The following PIWIL1 variants were observed in gnomAD, a reference collection of about 807,000 sequenced individuals.
PIWIL1 encodes the protein piwi-like protein 1.
In PIWIL1, 73 loss-of-function variants were observed where a neutral mutation model predicts 114.4. The observed-to-expected ratio is 0.64, with a 90% CI of 0.53 to 0.78. PIWIL1 has a LOEUF of 0.78. PIWIL1 is among the 30% of genes least tolerant of loss of function. The pLI, the probability that PIWIL1 is intolerant of heterozygous loss-of-function variation, is 0.00. For synonymous variants in PIWIL1, 375 were observed against 369.0 expected (o/e 1.02, Z -0.19); for missense variants, 723 against 1,063.1 (o/e 0.68, Z 4.45).
rs1375315068 is a variant in PIWIL1, at chr12:130,353,311, G to A, written c.1045-1226G>A. Among the ~76,000 whole-genome samples the A allele has an allele frequency of 5.0e-5, 5 of 99,534 alleles. 2 individuals are homozygous for A. The highest frequency in any genetic ancestry group is 1.2e-4 in the Non-Finnish European group (5 of 42,706). 65.3% of individuals were successfully genotyped at this position (99,534 alleles called of 152,430 possible). On this transcript the variant is annotated intron_variant, in intron 9 of 20. Coordinates refer to ENST00000245255, the MANE Select transcript of PIWIL1 (RefSeq NM_004764.5). Reference sequence around the variant, plus strand: ...TGTTCTTCTGGTGTGCTCAGTGGAGGTGTGTGGTTTTTTCTTCTGGTGTGC... The same window carrying A: ...TGTTCTTCTGGTGTGCTCAGTGGAGATGTGTGGTTTTTTCTTCTGGTGTGC...
chr12:130,408,269 G>A, the PIWIL1 span, among the ~76,000 whole-genome samples: 1,746 of 152,294 alleles, frequency 0.011, 33 homozygotes, highest in African/African-American at 0.041. Flanking sequence ...CTATGGTGGC[G>A]CTACAAAATC....
chr12:130,364,403 G>A (rs908527867), intron 18 of PIWIL1, among the ~76,000 whole-genome samples: 10 of 152,170 alleles, frequency 6.6e-5, no homozygotes, highest in Admixed American at 3.9e-4. Context: ...TTCTACTAAC[G>A]GGCTTCTGAG....
chr12:130,409,503 C>T, the PIWIL1 span, among the ~76,000 whole-genome samples: 2 of 151,950 alleles, frequency 1.3e-5, no homozygotes, highest in Non-Finnish European at 2.9e-5. Context: ...CCACCACGCC[C>T]GGCTAATTTT....
At chr12:130,412,875 G>T in the PIWIL1 span, 1 of 1,208,218 alleles carries the variant, frequency 8.3e-7, no homozygotes, top group Non-Finnish European at 1.1e-6. Flanking sequence ...GAGTGTAGTC[G>T]AAAATATATT....
intron 19 of PIWIL1, among the ~76,000 whole-genome samples, chr12:130,368,008 G>A (rs2073715763): frequency 6.6e-6 from 1 of 152,190 alleles, no homozygotes. Flanking sequence ...ACGATGGCCA[G>A]GCTGGTCTCA....
rs2136205508 is a variant in PIWIL1 at position 130,372,515 on chromosome 12, T to C, written c.*917T>C. 1 of 142,496 alleles carries C rather than the reference T, an allele frequency of 7.0e-6. No individual in the cohort carries two copies. Among genetic ancestry groups the C allele is most frequent in the East Asian group, 2.1e-4 (1 of 4,694 alleles). The allele number at this position is 142,496 out of a possible 1,614,324, so 8.8% of individuals were successfully genotyped here. On this transcript the variant is annotated 3_prime_UTR_variant, in exon 21 of 21. Transcript: ENST00000245255. Reference sequence around the variant, plus strand: ...CAGGAGGCTGAGGCAGGAGAATCACTTGAACCTGAGAGGCGGAGGTTGCAG... The same window carrying C: ...CAGGAGGCTGAGGCAGGAGAATCACCTGAACCTGAGAGGCGGAGGTTGCAG...
At position 130,371,497 on chromosome 12, in the gene PIWIL1, C is replaced by G; in HGVS notation, c.2485C>G (p.Pro829Ala). 1 of 1,614,082 alleles carries G rather than the reference C, an allele frequency of 6.2e-7. No homozygotes were observed. Among genetic ancestry groups the G allele is most frequent in the South Asian group, 1.1e-5 (1 of 91,066 alleles). ...TCCACTAAAGGGTGTCATTCGTGTT[C>G]CTGCTCCTTGCCAGTACGCCCACAA... ...YYNWPGVIRV[P>A]APCQYAHKLA... Residue 829 changes from proline to alanine, a missense_variant, in exon 21 of 21, where the codon CCT (proline) becomes GCT (alanine). Pro to Ala is a conservative substitution (Grantham distance 27, BLOSUM62 -1). Coordinates refer to ENST00000245255, the MANE Select transcript of PIWIL1 (RefSeq NM_004764.5).
At chr12:130,376,710 A>G (rs576757120), downstream of PIWIL1, among the ~76,000 whole-genome samples, 7 of 152,184 alleles carry the variant, frequency 4.6e-5, 1 homozygote, top group African/African-American at 1.2e-4. Flanking sequence ...GTACCTGTCC[A>G]CTAATCCTGT....
At chr12:130,359,551 A>C (rs1274919870) in intron 14 of PIWIL1, among the ~76,000 whole-genome samples, 1 of 152,164 alleles carries the variant, frequency 6.6e-6, no homozygotes, top group Non-Finnish European at 1.5e-5. Context: ...CAACTTGTCC[A>C]GTTTGAATAT....
the PIWIL1 span, among the ~76,000 whole-genome samples, chr12:130,391,793 A>C: frequency 5.4e-5 from 1 of 18,506 alleles, no homozygotes; most frequent in African/African-American, 1.7e-4. Flanking sequence ...CACCTGCGAC[A>C]CCCATGGGGG....
intron 16 of PIWIL1, among the ~76,000 whole-genome samples, 196 bp from the exon 17 acceptor site, chr12:130,362,570 T>C (rs189584944): frequency 4.6e-5 from 7 of 152,360 alleles, no homozygotes; most frequent in African/African-American, 1.7e-4. Context: ...CAGTTTGTGA[T>C]GCTGATACGG....
intron 18 of PIWIL1, 30 bp downstream of exon 18, chr12:130,363,174 T>C (rs1410289522): frequency 6.2e-7 from 1 of 1,606,238 alleles, no homozygotes; most frequent in African/African-American, 1.3e-5. Context: ...AGCATTTTCT[T>C]TTTATAAAAC....
the PIWIL1 span, among the ~76,000 whole-genome samples, chr12:130,400,593 C>T: frequency 3.7e-4 from 57 of 152,216 alleles, 1 homozygote; most frequent in Admixed American, 3.1e-3. Flanking sequence ...CTGGGCAACA[C>T]GGAATCCTGT....
rs940711698 is a variant in PIWIL1, at chr12:130,346,859, C to T, written c.532-82C>T. 11 of 1,529,902 alleles carry T rather than the reference C, an allele frequency of 7.2e-6. No individual in the cohort carries two copies. In the African/African-American group the frequency reaches 1.3e-4, roughly 17 times the overall value. The allele number at this position is 1,529,902 out of a possible 1,614,324, so 94.8% of individuals were successfully genotyped here. A position where few individuals can be genotyped will look rare whatever the true frequency, so the allele number is the denominator to read the frequency against. ...AACATTTTATGGTTTTCAATGTTGC[C>T]TTATTAAGCAAGCAGTATGTGATTG... On this transcript the variant is annotated intron_variant, in intron 5 of 20. Transcript: ENST00000245255.
intron 9 of PIWIL1, among the ~76,000 whole-genome samples, chr12:130,351,988 C>T (rs182521289): frequency 1.3e-5 from 2 of 152,044 alleles, no homozygotes; most frequent in Non-Finnish European, 2.9e-5. Context: ...CATGGCGTGT[C>T]CCCCACTGTG....
intron 14 of PIWIL1, among the ~76,000 whole-genome samples, chr12:130,360,730 A>G (rs1289788822): frequency 6.6e-6 from 1 of 152,172 alleles, no homozygotes; most frequent in Non-Finnish European, 1.5e-5. Context: ...TGTCCCCAGA[A>G]TTGTCCATGG....
chr12:130,425,027 G>A, the PIWIL1 span: 1 of 411,734 alleles, frequency 2.4e-6, no homozygotes. Flanking sequence ...GCTCTGCAAT[G>A]AAAACAGAAT....
chr12:130,422,593 C>T, the PIWIL1 span: 2 of 1,493,440 alleles, frequency 1.3e-6, no homozygotes, highest in Non-Finnish European at 1.8e-6. The surrounding 1 kb of genome is among the most constrained non-coding windows in gnomAD (Gnocchi z 5.2). Context: ...AGTCGTAAGT[C>T]TCGCCAGCAT....
At chr12:130,355,416 C>A in intron 11 of PIWIL1, 137 bp from the exon 12 acceptor site, 1 of 702,704 alleles carries the variant, frequency 1.4e-6, no homozygotes, top group South Asian at 1.7e-5. Context: ...GCTCCTGTGC[C>A]AGCTGGCATT....
Sources: gnomAD v4.1 joint callset for allele counts (sites outside exome capture counted in the v4.1 genomes callset) on GRCh38, gnomAD v4.1.1 for gene constraint, Gnocchi (gnomAD v3.1) non-coding constraint, MANE v1.5 for transcripts, NCBI Gene and HGNC (gene_info 2026-07-23, HGNC 2026-07-21) for gene names.